Variants in GSE1 observed in about 807,000 individuals in gnomAD.
GSE1 encodes genetic suppressor element 1.
In GSE1, 32 loss-of-function variants were observed where a neutral mutation model predicts 112.6. The ratio of observed to expected loss-of-function variants is 0.28; its 90% CI spans 0.21 to 0.38. GSE1 has a LOEUF of 0.38. Among genes scored for constraint, GSE1 ranks in the 10% least tolerant of loss-of-function variants. GSE1 has a pLI of 1.00. For missense variants in GSE1, 2,348 were observed against 1,699.2 expected (o/e 1.38, Z -6.71); for synonymous variants, 1,115 against 735.6 (o/e 1.52, Z -8.35).
At chr16:85,380,611 C>T (rs913799535) in intron 2 of GSE1, among the ~76,000 whole-genome samples, 2 of 152,164 alleles carry the variant, frequency 1.3e-5, no homozygotes, top group Non-Finnish European at 2.9e-5. Flanking sequence ...GCATCTCAGA[C>T]GTTTGATCTG....
At chr16:85,241,904 C>A (rs1043161755) in intron 1 of GSE1, among the ~76,000 whole-genome samples, 5 of 152,084 alleles carry the variant, frequency 3.3e-5, no homozygotes, top group Non-Finnish European at 7.4e-5. Flanking sequence ...GGCATCCTGT[C>A]CTCCCTTCAT....
chr16:85,640,615 G>A (rs1377031353), intron 2 of GSE1, among the ~76,000 whole-genome samples: 2 of 152,368 alleles, frequency 1.3e-5, no homozygotes, highest in African/African-American at 4.8e-5. Flanking sequence ...GGACCACGGA[G>A]CAGGGACCAC....
intron 2 of GSE1, among the ~76,000 whole-genome samples, chr16:85,384,272 G>T (rs1462599641): frequency 6.6e-6 from 1 of 152,210 alleles, no homozygotes; most frequent in Non-Finnish European, 1.5e-5. Context: ...CTTGCTCTGT[G>T]TGGGTGCGGC....
intron 2 of GSE1, among the ~76,000 whole-genome samples, chr16:85,521,375 C>G (rs1434579126): frequency 1.3e-5 from 2 of 152,200 alleles, no homozygotes; most frequent in East Asian, 3.8e-4. Context: ...AGGATGGGGT[C>G]CAAAGCTCCT....
chr16:85,661,750 G>C lies in GSE1; in HGVS notation c.2245G>C (p.Glu749Gln). 6.5e-7 allele frequency: 1 copy of C among 1,532,968 alleles called. No individual in the cohort carries two copies. Among genetic ancestry groups the C allele is most frequent in the East Asian group, 2.4e-5 (1 of 41,812 alleles). 95.0% of individuals were successfully genotyped at this position (1,532,968 alleles called of 1,614,324 possible). ...GGACCTGGAGGAGCGCAGGCGGCGG[G>C]AGGCCCAGGAGAAAGGTCTGCCTCC... ...KLDLEERRRR[E>Q]AQEKGYYYDL... The change falls in exon 9 of 16, where the codon GAG (glutamate) becomes CAG (glutamine). Residue 749 changes from glutamate (E) to glutamine (Q), a missense_variant. Transcript: ENST00000253458.
At chr16:85,648,900 G>C in intron 3 of GSE1, 149 bp downstream of exon 3, 1 of 521,598 alleles carries the variant, frequency 1.9e-6, no homozygotes, top group Non-Finnish European at 3.3e-6. Context: ...TCTCTGCAAC[G>C]TGAGGGTGAC....
At chr16:85,634,274 C>G in intron 2 of GSE1, 142 bp downstream of exon 2, 1 of 607,822 alleles carries the variant, frequency 1.6e-6, no homozygotes, top group East Asian at 3.5e-5. Flanking sequence ...GCAGTGCTGG[C>G]TGAGCTACAG....
upstream of GSE1, among the ~76,000 whole-genome samples, chr16:85,607,576 G>T (rs925807350): frequency 2.6e-5 from 4 of 152,224 alleles, no homozygotes. Context: ...TCCTCAAAGG[G>T]AGTTAGCCGG....
Position 85,206,194 on chromosome 16 carries a change from G to C in GSE1, c.2283+34387G>C, listed in dbSNP as rs574713062. On this transcript the variant is annotated intron_variant, in intron 1 of 2. Coordinates refer to the GSE1 transcript ENST00000637419. Reference sequence around the variant, plus strand: ...AGGGGGGAGGGAAGCACCCAGATGGGGGGGGCGCATGTGCAAAGGGCGCCG... The same window carrying C: ...AGGGGGGAGGGAAGCACCCAGATGGCGGGGGCGCATGTGCAAAGGGCGCCG... Among the ~76,000 whole-genome samples, 4 of 152,186 alleles carry C rather than the reference G, an allele frequency of 2.6e-5. No individual in the cohort carries two copies. In the East Asian group the frequency reaches 5.8e-4, roughly 22 times the overall value.
At chr16:85,364,365 A>G (rs2047143559) in intron 2 of GSE1, among the ~76,000 whole-genome samples, 1 of 152,164 alleles carries the variant, frequency 6.6e-6, no homozygotes, top group East Asian at 1.9e-4. Context: ...TCCCATCTCA[A>G]GGTCAGCTGG....
Position 85,665,104 on chromosome 16 carries a change from G to A in GSE1, c.2734G>A (p.Asp912Asn). The A allele has an allele frequency of 6.2e-7, 1 of 1,608,832 alleles. No individual in the cohort carries two copies. Among genetic ancestry groups the A allele is most frequent in the Non-Finnish European group, 8.5e-7 (1 of 1,175,614 alleles). The stretch of plus-strand genomic sequence containing the variant: ...CGACTCCTTGACAAACTCTCCGAGG[G>A]ACAGTCCTGCCGTCTCCCTGAGTGG... ...VADSLTNSPR[D>N]SPAVSLSEPA... The change falls in exon 12 of 16, where the codon GAC (aspartate) becomes AAC (asparagine). Residue 912 changes from aspartate to asparagine, a missense_variant. By Grantham distance (23) the Asp-to-Asn change is conservative. Coordinates refer to ENST00000253458, the MANE Select transcript of GSE1 (RefSeq NM_014615.5).
rs139673716 is a variant in GSE1 at position 85,247,763 on chromosome 16, C to T, written c.2283+75956C>T. ...CTGCTGTGAGCACTCAGGGAGGGAA[C>T]GCGGGGAGGGAGGGGCTGGGCACAT... On this transcript the variant is annotated intron_variant, in intron 1 of 2. Transcript: ENST00000637419. Among the ~76,000 whole-genome samples, 1,199 of 152,240 alleles carry T rather than the reference C, an allele frequency of 7.9e-3. 18 individuals are homozygous for T. Among genetic ancestry groups the T allele is most frequent in the African/African-American group, 0.027 (1,139 of 41,528 alleles).
intron 1 of GSE1, chr16:85,285,902 C>T (rs997789613): frequency 2.1e-4 from 32 of 152,272 alleles, no homozygotes; most frequent in African/African-American, 7.5e-4. Flanking sequence ...CGTGGGAAAA[C>T]AGGACTTCGT....
At chr16:85,344,978 A>C (rs1597447120) in intron 1 of GSE1, among the ~76,000 whole-genome samples, 1 of 152,292 alleles carries the variant, frequency 6.6e-6, no homozygotes, top group Non-Finnish European at 1.5e-5. Context: ...CTCTTCTGTC[A>C]AGACTCAGCC....
intron 1 of GSE1, among the ~76,000 whole-genome samples, chr16:85,307,095 C>G (rs1285787398): frequency 2.1e-5 from 3 of 145,574 alleles, no homozygotes; most frequent in African/African-American, 7.4e-5. Context: ...GTTCTGTGCT[C>G]TGGTCACACG....
At chr16:85,253,198 C>T (rs1906704217) in intron 1 of GSE1, among the ~76,000 whole-genome samples, 1 of 152,032 alleles carries the variant, frequency 6.6e-6, no homozygotes, top group South Asian at 2.1e-4. Context: ...GCAGAGAAGG[C>T]GCCAAGGCCT....
intron 1 of GSE1, among the ~76,000 whole-genome samples, chr16:85,560,150 T>TTTTTTTTTTA (rs1179259849): frequency 1.7e-4 from 25 of 145,112 alleles, no homozygotes; most frequent in Non-Finnish European, 2.1e-4. Context: ...TTTTTTTTTT[T>TTTTTTTTTTA]ATGTGAGACG....
chr16:85,357,591 A>G (rs2151572098), exon 2 of GSE1: 1 of 1,288,970 alleles, frequency 7.8e-7, no homozygotes, highest in Non-Finnish European at 1.0e-6. Flanking sequence ...TGAGGCCAGC[A>G]CAGTGTCTGC....
intron 1 of GSE1, 62 bp downstream of exon 1, chr16:85,613,460 C>T: frequency 1.4e-6 from 2 of 1,427,488 alleles, no homozygotes; most frequent in Non-Finnish European, 1.9e-6. Context: ...GCACTGTCCT[C>T]CTGCAAGTTC....
Sources: allele counts gnomAD v4.1 joint callset (sites outside exome capture counted in the v4.1 genomes callset), GRCh38; gene constraint gnomAD v4.1.1; transcripts MANE v1.5; gene names NCBI Gene and HGNC (gene_info 2026-07-23, HGNC 2026-07-21).